Variants in PLK2 observed in about 807,000 individuals in gnomAD.
PLK2 encodes serine/threonine-protein kinase PLK2.
Under a neutral mutation model 78.1 loss-of-function variants are expected in PLK2, and 25 were observed. The observed-to-expected ratio is 0.32, with a 90% CI of 0.23 to 0.45. The LOEUF (loss-of-function observed/expected upper bound fraction) is 0.45, where lower values mean the gene tolerates loss of function less well. Among genes scored for constraint, PLK2 ranks in the 20% least tolerant of loss-of-function variants. PLK2 has a pLI of 1.00. For synonymous variants in PLK2, 332 were observed against 298.2 expected, an observed-to-expected ratio of 1.11 and a Z score of -1.17; for missense variants, 566 against 840.2, an observed-to-expected ratio of 0.67 and a Z score of 4.04.
At position 58,459,934 on chromosome 5, in the gene PLK2, T is replaced by G. The variant is rs555731909; in HGVS notation, c.26A>C (p.Tyr9Ser). ...CATTTTGGTGCTGGCGGCTGGCTGG[T>G]AGGTGATAGTCCGCAAAAGCTCCAT... MELLRTIT[Y>S]QPAASTKMCE... is the part of the protein sequence containing the mutation. The change falls in exon 1 of 14, where the codon TAC (tyrosine) becomes TCC (serine). Residue 9 changes from tyrosine (Y) to serine (S), a missense_variant. Tyr to Ser is a moderately radical substitution (Grantham distance 144). Around this residue, in one of 5 missense-constraint regions of PLK2, gnomAD observed 127 missense variants for 122.5 expected, o/e 1.04. Transcript: ENST00000274289. 1 of 1,609,848 alleles carries G rather than the reference T, an allele frequency of 6.2e-7. No individual in the cohort carries two copies. The highest frequency in any genetic ancestry group is 1.7e-5 in the Admixed American group (1 of 59,908).
At chr5:58,458,312 C>T in intron 4 of PLK2, 87 bp downstream of exon 4, 2 of 1,444,900 alleles carry the variant, frequency 1.4e-6, no homozygotes. Context: ...CACGAGATCC[C>T]AATTAAGAAC....
chr5:58,457,955 T>A, intron 5 of PLK2, 129 bp downstream of exon 5: 2 of 725,590 alleles, frequency 2.8e-6, no homozygotes, highest in South Asian at 3.2e-5. Flanking sequence ...TTAATAAGTA[T>A]TTCTTTAAAT....
At chr5:58,457,979 A>G in intron 5 of PLK2, 105 bp downstream of exon 5, 3 of 782,504 alleles carry the variant, frequency 3.8e-6, no homozygotes, top group Non-Finnish European at 6.8e-6. Context: ...CATTGCTATG[A>G]TTTATAGATT....
At position 58,458,847 on chromosome 5, in the gene PLK2, T is replaced by C. The variant is rs1310483105; in HGVS notation, c.379-6A>G. ...AGCTCTATTTCTTTGTCAATCTAAA[T>C]GAAAAAGCAAGGTAAGGCTTATTAG... On this transcript the variant is annotated splice_region_variant and splice_polypyrimidine_tract_variant and intron_variant, in intron 2 of 13. Transcript: ENST00000274289. 1.9e-6 allele frequency: 3 copies of C among 1,556,044 alleles called. No individual in the cohort carries two copies. The highest frequency in any genetic ancestry group is 2.2e-5 in the East Asian group (1 of 44,548).
At chr5:58,455,207 A>G in intron 12 of PLK2, 78 bp downstream of exon 12, 1 of 1,512,448 alleles carries the variant, frequency 6.6e-7, no homozygotes, top group East Asian at 2.3e-5. Context: ...TGTTTCTAAC[A>G]AGCTTCAAAG....
In PLK2 at chr5:58,454,390, T is replaced by C; in HGVS notation, c.*193A>G. The C allele has an allele frequency of 2.0e-6, 1 of 488,152 alleles. No individual in the cohort carries two copies. 30.2% of individuals were successfully genotyped at this position (488,152 alleles called of 1,614,324 possible). On this transcript the variant is annotated 3_prime_UTR_variant, in exon 14 of 14. Coordinates refer to ENST00000274289, the MANE Select transcript of PLK2 (RefSeq NM_006622.4). ...AGGAAAACTGCATTCTGGTTCACTC[T>C]TGGATTGTCCAAAGTCAAGAACTGT...
chr5:58,456,008 C>T lies in PLK2; in HGVS notation c.1384+18G>A, dbSNP rs184933377. 9.7e-4 allele frequency: 1,547 copies of T among 1,602,214 alleles called. 1 individual carries two copies. The highest frequency in any genetic ancestry group is 1.2e-3 in the Non-Finnish European group (1,418 of 1,176,132). On this transcript the variant is annotated intron_variant, in intron 10 of 13. Coordinates refer to ENST00000274289, the MANE Select transcript of PLK2 (RefSeq NM_006622.4). ...ATTTCGAGTTTCATTATTTAAAATA[C>T]GATTGACAACCACTTACATTCACTG...
At position 58,459,899 on chromosome 5, in the gene PLK2, C is replaced by A; in HGVS notation, c.61G>T (p.Ala21Ser). 1 of 1,612,226 alleles carries A rather than the reference C, an allele frequency of 6.2e-7. No homozygotes were observed. The highest frequency in any genetic ancestry group is 8.5e-7 in the Non-Finnish European group (1 of 1,179,718). The change falls in exon 1 of 14, where the codon GCG becomes TCG. Residue 21 changes from alanine to serine, a missense_variant. By Grantham distance (99) the Ala-to-Ser change is moderately conservative. Coordinates refer to ENST00000274289, the MANE Select transcript of PLK2 (RefSeq NM_006622.4). ...PAASTKMCEQ[A>S]LGKGCGADSK... ...TCCGCTCCGCAACCCTTGCCCAGCG[C>A]CTGCTCGCACATTTTGGTGCTGGCG...
intron 3 of PLK2, 45 bp from the exon 4 acceptor site, chr5:58,458,573 TC>T (rs1561217074): frequency 1.3e-6 from 2 of 1,563,336 alleles, no homozygotes; most frequent in Admixed American, 3.6e-5. Context: ...AAAACAGTTA[TC>T]AAAATCACTG....
rs549392982 is a variant in PLK2, at chr5:58,455,088, C to A, written c.1756-67G>T. ...TTGTAGCATGCACTCTATTATTATT[C>A]TAAGAAAATCCTCTCAAACTTAAGC... On this transcript the variant is annotated intron_variant, in intron 12 of 13. Transcript: ENST00000274289. 25 of 1,154,368 alleles carry A rather than the reference C, an allele frequency of 2.2e-5. No individual in the cohort carries two copies. In the African/African-American group the frequency reaches 2.5e-4, roughly 11 times the overall value. The allele number at this position is 1,154,368 out of a possible 1,614,324, so 71.5% of individuals were successfully genotyped here. A position where few individuals can be genotyped will look rare whatever the true frequency, so the allele number is the denominator to read the frequency against.
chr5:58,454,382 G>A lies in PLK2; in HGVS notation c.*201C>T, dbSNP rs1052878326. 1 of 434,938 alleles carries A rather than the reference G, an allele frequency of 2.3e-6. No homozygotes were observed. Among genetic ancestry groups the A allele is most frequent in the Non-Finnish European group, 4.1e-6 (1 of 244,938 alleles). 26.9% of individuals were successfully genotyped at this position (434,938 alleles called of 1,614,324 possible). A position where few individuals can be genotyped will look rare whatever the true frequency, so the allele number is the denominator to read the frequency against. On this transcript the variant is annotated 3_prime_UTR_variant, in exon 14 of 14. Coordinates refer to ENST00000274289, the MANE Select transcript of PLK2 (RefSeq NM_006622.4). ...GTATCTCAAGGAAAACTGCATTCTG[G>A]TTCACTCTTGGATTGTCCAAAGTCA...
In PLK2 at chr5:58,459,777, G is replaced by A; in HGVS notation, c.183C>T (p.His61=). ...AGATCTCCGGCCCCGAGTGCGAATG[G>A]TGGTGATGGTGGTGAGGGGCCGCCG... ...VPPAAPHHHH[H]HSHSGPEISR... Residue 61 remains histidine, a synonymous_variant, in exon 1 of 14, where the codon CAC becomes CAT. Coordinates refer to ENST00000274289, the MANE Select transcript of PLK2 (RefSeq NM_006622.4). 1.2e-6 allele frequency: 2 copies of A among 1,607,816 alleles called. No homozygotes were observed. The highest frequency in any genetic ancestry group is 1.7e-6 in the Non-Finnish European group (2 of 1,179,704).
rs1743698266 is a variant in PLK2, at chr5:58,459,520, C to G, written c.270+170G>C. Reference sequence around the variant, plus strand: ...AAGAATGCAAAGCCGATCCCCAGCGCTGCCGGCGCACAAAAGCCAGAGGGC... The same window carrying G: ...AAGAATGCAAAGCCGATCCCCAGCGGTGCCGGCGCACAAAAGCCAGAGGGC... On this transcript the variant is annotated intron_variant, in intron 1 of 13. Coordinates refer to ENST00000274289, the MANE Select transcript of PLK2 (RefSeq NM_006622.4). 3 of 609,908 alleles carry G rather than the reference C, an allele frequency of 4.9e-6. No homozygotes were observed. The South Asian group carries it at 6.2e-5, about 13-fold the overall frequency. 37.8% of individuals were successfully genotyped at this position (609,908 alleles called of 1,614,324 possible).
chr5:58,460,058 T>G lies in PLK2; in HGVS notation c.-99A>C, dbSNP rs1203944151. The G allele has an allele frequency of 2.2e-6, 3 of 1,378,610 alleles. No individual in the cohort carries two copies. The highest frequency in any genetic ancestry group is 2.9e-6 in the Non-Finnish European group (3 of 1,022,016). 85.4% of individuals were successfully genotyped at this position (1,378,610 alleles called of 1,614,324 possible). ...TCGCACCCTTGCCTCTGGTGCCGAC[T>G]AGCACCCAACACCCCGGTCCACTTG... On this transcript the variant is annotated 5_prime_UTR_variant, in exon 1 of 14. Transcript: ENST00000274289.
Position 58,460,020 on chromosome 5 carries a change from C to T in PLK2, c.-61G>A, listed in dbSNP as rs573357014. 17 of 1,523,378 alleles carry T rather than the reference C, an allele frequency of 1.1e-5. No individual in the cohort carries two copies. The highest frequency in any genetic ancestry group is 1.4e-5 in the African/African-American group (1 of 73,064). The allele number at this position is 1,523,378 out of a possible 1,614,324, so 94.4% of individuals were successfully genotyped here. On this transcript the variant is annotated 5_prime_UTR_variant, in exon 1 of 14. Coordinates refer to ENST00000274289, the MANE Select transcript of PLK2 (RefSeq NM_006622.4). ...CCCTAGGCGCGGTCACACGTCCGAG[C>T]CGGCCGTGGTCCTCGCACCCTTGCC...
At position 58,455,576 on chromosome 5, in the gene PLK2, T is replaced by C; in HGVS notation, c.1588A>G (p.Asn530Asp). ...LSDHTVGVLF[N>D]NGAHMSLLPD... Reference sequence around the variant, plus strand: ...AGGAGGCTCATGTGAGCACCATTGTTGAAAAGGACACCGACGGTGTGGTCT... The same window carrying C: ...AGGAGGCTCATGTGAGCACCATTGTCGAAAAGGACACCGACGGTGTGGTCT... Residue 530 changes from asparagine (N) to aspartate (D), a missense_variant, in exon 11 of 14, where the codon AAC becomes GAC. Physicochemically the swap from Asn to Asp is conservative, Grantham distance 23 (BLOSUM62 1). Transcript: ENST00000274289. 6.2e-7 allele frequency: 1 copy of C among 1,614,118 alleles called. No homozygotes were observed. Among genetic ancestry groups the C allele is most frequent in the Non-Finnish European group, 8.5e-7 (1 of 1,179,990 alleles).
At chr5:58,459,381 T>G (rs897140033) in intron 1 of PLK2, 1 of 563,904 alleles carries the variant, frequency 1.8e-6, no homozygotes, top group African/African-American at 1.9e-5. Flanking sequence ...ATGAGACTTG[T>G]CAGGAAAATT....
chr5:58,456,254 G>A, intron 9 of PLK2, 99 bp from the exon 10 acceptor site: 1 of 1,216,732 alleles, frequency 8.2e-7, no homozygotes, highest in African/African-American at 1.5e-5. Flanking sequence ...TGCTGGGAAA[G>A]CTCATCAAAA....
chr5:58,455,667 T>G lies in PLK2; in HGVS notation c.1497A>C (p.Thr499=). The change falls in exon 11 of 14, where the codon ACA becomes ACC. Residue 499 remains threonine, a synonymous_variant. Coordinates refer to ENST00000274289, the MANE Select transcript of PLK2 (RefSeq NM_006622.4). ...ADCIPKEQLS[T]SFQWVTKWVD... is the part of the protein sequence containing the mutation. ...CCCATTTGGTGACCCACTGAAATGA[T>G]GTGCTCAGCTGCTCTTTGGGAATGC... The G allele has an allele frequency of 6.2e-7, 1 of 1,614,178 alleles. No homozygotes were observed. The highest frequency in any genetic ancestry group is 8.5e-7 in the Non-Finnish European group (1 of 1,180,028).
Sources: gnomAD v4.1 joint callset for allele counts on GRCh38, gnomAD v4.1.1 for gene constraint, gnomAD v4.1.1 regional missense constraint, MANE v1.5 for transcripts, NCBI Gene and HGNC (gene_info 2026-07-23, HGNC 2026-07-21) for gene names.